The following JAZF1 variants were observed in gnomAD, a reference collection of about 807,000 sequenced individuals.
JAZF1 encodes juxtaposed with another zinc finger protein 1.
Under a neutral mutation model 26.4 loss-of-function variants are expected in JAZF1, and 8 were observed. The ratio of observed to expected loss-of-function variants is 0.30; its 90% CI spans 0.18 to 0.55. The LOEUF is 0.55. JAZF1 is among the 20% of genes least tolerant of loss of function. JAZF1 has a pLI of 0.94. For missense variants in JAZF1, 199 were observed against 322.0 expected, an observed-to-expected ratio of 0.62 and a Z score of 2.92; for synonymous variants, 126 against 122.3, an observed-to-expected ratio of 1.03 and a Z score of -0.20.
intron 1 of JAZF1, among the ~76,000 whole-genome samples, chr7:28,154,917 G>A (rs1168215862): frequency 1.3e-5 from 2 of 151,272 alleles, no homozygotes. Flanking sequence ...AAACATACTA[G>A]GGAGAGAAAA....
chr7:28,133,867 G>A (rs184439152), intron 1 of JAZF1, among the ~76,000 whole-genome samples: 2 of 152,140 alleles, frequency 1.3e-5, no homozygotes, highest in African/African-American at 4.8e-5. Flanking sequence ...TCTCCAGATG[G>A]GCCTTCCCTG....
chr7:27,957,437 G>A (rs1440002735), intron 2 of JAZF1, among the ~76,000 whole-genome samples: 1 of 152,174 alleles, frequency 6.6e-6, no homozygotes, highest in Non-Finnish European at 1.5e-5. Flanking sequence ...GGACATTTCT[G>A]CAGGATTTCA....
chr7:28,042,754 T>A (rs902800512), intron 1 of JAZF1, among the ~76,000 whole-genome samples: 1 of 152,180 alleles, frequency 6.6e-6, no homozygotes, highest in African/African-American at 2.4e-5. Flanking sequence ...TGTGTTATAA[T>A]CACCTACAGT....
chr7:28,008,220 T>G (rs994886142), intron 1 of JAZF1, among the ~76,000 whole-genome samples: 1 of 151,882 alleles, frequency 6.6e-6, no homozygotes, highest in African/African-American at 2.4e-5. Flanking sequence ...TTTTTAAAAT[T>G]AATTATTATT....
chr7:27,845,711 A>AAAAAAAAGAAAG (rs1554328474), intron 3 of JAZF1, among the ~76,000 whole-genome samples: 6 of 137,702 alleles, frequency 4.4e-5, no homozygotes, highest in African/African-American at 1.7e-4. Flanking sequence ...AAAAAAAAAA[A>AAAAAAAAGAAAG]AAAGAAAAGA....
At chr7:28,157,906 T>C (rs1783212983) in intron 1 of JAZF1, among the ~76,000 whole-genome samples, 1 of 151,988 alleles carries the variant, frequency 6.6e-6, no homozygotes, top group South Asian at 2.1e-4. Context: ...ATCCCCGATG[T>C]AAGCTTAAAT....
intron 2 of JAZF1, among the ~76,000 whole-genome samples, chr7:27,905,207 C>T (rs372525726): frequency 1.3e-5 from 2 of 152,164 alleles, no homozygotes; most frequent in East Asian, 3.8e-4. Context: ...CAAGCAGTCT[C>T]GTTGCCTTGG....
At chr7:28,170,976 A>C (rs543422627) in intron 1 of JAZF1, among the ~76,000 whole-genome samples, 5 of 152,338 alleles carry the variant, frequency 3.3e-5, no homozygotes, top group African/African-American at 9.6e-5. Flanking sequence ...GCCAGTAGGT[A>C]CTGTGAAAGG....
chr7:27,947,641 C>A (rs1213930412), intron 2 of JAZF1, among the ~76,000 whole-genome samples: 2 of 152,196 alleles, frequency 1.3e-5, no homozygotes, highest in African/African-American at 2.4e-5. Context: ...CTATAAAACT[C>A]TAAACATAGT....
chr7:28,119,898 T>C (rs567715590), intron 1 of JAZF1, among the ~76,000 whole-genome samples: 35 of 152,356 alleles, frequency 2.3e-4, no homozygotes, highest in African/African-American at 7.2e-4. Flanking sequence ...ACATTACCTA[T>C]ACATATATCT....
chr7:28,069,841 A>G (rs1263182138), intron 1 of JAZF1, among the ~76,000 whole-genome samples: 2 of 152,096 alleles, frequency 1.3e-5, no homozygotes, highest in Non-Finnish European at 2.9e-5. Context: ...TCATGCCCCC[A>G]AGTTTGAACA....
intron 3 of JAZF1, among the ~76,000 whole-genome samples, chr7:27,864,500 T>C (rs1783438470): frequency 6.6e-6 from 1 of 152,118 alleles, no homozygotes; most frequent in Non-Finnish European, 1.5e-5. Flanking sequence ...AACCCATGGG[T>C]TTGCCCGGCT....
chr7:28,082,586 C>G (rs1784153963), intron 1 of JAZF1, among the ~76,000 whole-genome samples: 1 of 152,150 alleles, frequency 6.6e-6, no homozygotes, highest in Non-Finnish European at 1.5e-5. Context: ...CCAGTAGCTC[C>G]CCACGCTGCA....
At chr7:27,969,391 G>T (rs1785335235) in intron 2 of JAZF1, among the ~76,000 whole-genome samples, 1 of 152,114 alleles carries the variant, frequency 6.6e-6, no homozygotes, top group Non-Finnish European at 1.5e-5. Flanking sequence ...ACCTAAATCT[G>T]CAGGGAAATT....
At chr7:27,887,438 T>C (rs746670551) in intron 3 of JAZF1, among the ~76,000 whole-genome samples, 30 of 150,772 alleles carry the variant, frequency 2.0e-4, no homozygotes, top group Non-Finnish European at 3.6e-4. Flanking sequence ...TTATTTGAGA[T>C]GAAGTATCAC....
intron 3 of JAZF1, among the ~76,000 whole-genome samples, chr7:27,888,520 C>T (rs1783910836): frequency 1.3e-5 from 2 of 152,072 alleles, no homozygotes; most frequent in African/African-American, 2.4e-5. Context: ...CTTCTAAATG[C>T]CAAGCAAAAT....
chr7:27,895,378 A>G lies in JAZF1; in HGVS notation c.227T>C (p.Leu76Pro). The change falls in exon 3 of 5, where the codon CTA becomes CCA. Residue 76 changes from leucine to proline, a missense_variant. This residue lies in a region of JAZF1 where 137 missense variants were observed against 184.8 expected (regional missense o/e 0.74). Transcript: ENST00000283928. The part of the protein sequence containing the change: ...TDAARREQES[L>P]KKKIQPKLSL... ...GAGCTTCGGCTGAATCTTCTTCTTT[A>G]GGGACTCCTGCTCTCGGCGGGCAGC... 6.2e-7 allele frequency: 1 copy of G among 1,605,780 alleles called. No individual in the cohort carries two copies. The highest frequency in any genetic ancestry group is 8.5e-7 in the Non-Finnish European group (1 of 1,176,122).
chr7:27,944,130 G>T (rs780972518), intron 2 of JAZF1, among the ~76,000 whole-genome samples: 1 of 152,178 alleles, frequency 6.6e-6, no homozygotes, highest in Non-Finnish European at 1.5e-5. Flanking sequence ...GAGCCCAGTG[G>T]TCTGACATTA....
chr7:28,113,039 G>A lies in JAZF1; in HGVS notation c.115+67424C>T, dbSNP rs564008857. Among the ~76,000 whole-genome samples, 13 of 152,268 alleles carry A rather than the reference G, an allele frequency of 8.5e-5. No individual in the cohort carries two copies. The South Asian group carries it at 2.5e-3, about 29-fold the overall frequency. ...AATGGAGCCTGGAAAGATGACCTGCGCCTCTGGACATAATCTCGAAGGGGA... is the reference window on the plus strand; with the variant it reads ...AATGGAGCCTGGAAAGATGACCTGCACCTCTGGACATAATCTCGAAGGGGA... On this transcript the variant is annotated intron_variant, in intron 1 of 4. Transcript: ENST00000283928.
Sources: allele counts gnomAD v4.1 joint callset (sites outside exome capture counted in the v4.1 genomes callset), GRCh38; gene constraint gnomAD v4.1.1; regional missense constraint gnomAD v4.1.1; transcripts MANE v1.5; gene names NCBI Gene and HGNC (gene_info 2026-07-23, HGNC 2026-07-21).